The following TESC variants were observed in gnomAD, a reference collection of about 807,000 sequenced individuals.
TESC encodes the protein tescalcin.
TESC carries 19 observed loss-of-function variants against 31.0 expected under a neutral mutation model. The observed-to-expected ratio is 0.61, with a 90% CI of 0.43 to 0.90. The LOEUF (loss-of-function observed/expected upper bound fraction) is 0.90. Among genes scored for constraint, TESC ranks in the 40% least tolerant of loss-of-function variants. The probability of loss-of-function intolerance (pLI) is 0.00; values close to 1 mark genes in which losing one functional copy is unlikely to be tolerated. For synonymous variants in TESC, 109 were observed against 114.8 expected (o/e 0.95, Z 0.32); for missense variants, 248 against 303.8 (o/e 0.82, Z 1.36).
At chr12:117,091,967 G>A (rs966680532) in intron 1 of TESC, among the ~76,000 whole-genome samples, 2 of 152,112 alleles carry the variant, frequency 1.3e-5, no homozygotes, top group South Asian at 2.1e-4. Context: ...GGTTTCTCCC[G>A]GCACTGCACT....
intron 3 of TESC, among the ~76,000 whole-genome samples, chr12:117,054,798 C>T (rs906412074): frequency 1.1e-4 from 16 of 152,172 alleles, no homozygotes; most frequent in African/African-American, 3.9e-4. Flanking sequence ...CGCCTGTTCC[C>T]ATCCTTCCTC....
intron 2 of TESC, among the ~76,000 whole-genome samples, chr12:117,073,850 C>CG (rs1278521929): frequency 3.9e-5 from 6 of 151,960 alleles, no homozygotes. Context: ...GAGGCTGAGG[C>CG]GGGGGGACTG....
chr12:117,082,596 C>T (rs1358082363), intron 1 of TESC, among the ~76,000 whole-genome samples: 1 of 151,966 alleles, frequency 6.6e-6, no homozygotes, highest in African/African-American at 2.4e-5. Context: ...ACTACACAGC[C>T]TTTATAAATA....
intron 2 of TESC, among the ~76,000 whole-genome samples, chr12:117,066,299 T>C (rs1293720715): frequency 7.0e-6 from 1 of 142,320 alleles, no homozygotes; most frequent in Non-Finnish European, 1.5e-5. Flanking sequence ...CTTCACCTCC[T>C]GGGTTCAACA....
At chr12:117,053,086 T>TC (rs1954671822) in intron 3 of TESC, among the ~76,000 whole-genome samples, 1 of 151,750 alleles carries the variant, frequency 6.6e-6, no homozygotes, top group Non-Finnish European at 1.5e-5. Context: ...GCGCCTGGAG[T>TC]CCCCCTGAGA....
intron 2 of TESC, among the ~76,000 whole-genome samples, chr12:117,058,874 G>A (rs925536886): frequency 6.6e-6 from 1 of 152,122 alleles, no homozygotes; most frequent in Non-Finnish European, 1.5e-5. Flanking sequence ...AGGCAGGGGC[G>A]TCAGCCACTC....
At chr12:117,075,901 A>ATATATGTGTG (rs1565971575) in intron 1 of TESC, among the ~76,000 whole-genome samples, 1 of 86,130 alleles carries the variant, frequency 1.2e-5, no homozygotes, top group African/African-American at 7.5e-5. Context: ...ATATATATAT[A>ATATATGTGTG]TATATATATA....
chr12:117,066,247 C>T (rs1954879372), intron 2 of TESC, among the ~76,000 whole-genome samples: 1 of 131,018 alleles, frequency 7.6e-6, no homozygotes, highest in African/African-American at 3.1e-5. Context: ...CACTCTATCG[C>T]CCAGGCTGGA....
At chr12:117,062,128 C>G (rs1954807377) in intron 2 of TESC, among the ~76,000 whole-genome samples, 3 of 152,036 alleles carry the variant, frequency 2.0e-5, no homozygotes, top group African/African-American at 7.3e-5. Flanking sequence ...AACCTACGTA[C>G]CCTCAAAATG....
chr12:117,081,299 T>C (rs991605398), intron 1 of TESC, among the ~76,000 whole-genome samples: 25 of 152,202 alleles, frequency 1.6e-4, no homozygotes, highest in African/African-American at 5.3e-4. Context: ...ATTGATCATA[T>C]GGTAAAAATG....
intron 2 of TESC, among the ~76,000 whole-genome samples, 176 bp downstream of exon 2, chr12:117,075,095 G>A (rs372646789): frequency 2.0e-5 from 3 of 152,096 alleles, no homozygotes; most frequent in Non-Finnish European, 2.9e-5. Flanking sequence ...GCAGTGAGCC[G>A]AGACAGCACC....
intron 1 of TESC, among the ~76,000 whole-genome samples, chr12:117,077,824 G>T (rs981179346): frequency 6.6e-6 from 1 of 152,096 alleles, no homozygotes; most frequent in Non-Finnish European, 1.5e-5. Context: ...GGGGAGTTCT[G>T]GGTACTAGGA....
intron 1 of TESC, among the ~76,000 whole-genome samples, chr12:117,090,915 C>T (rs1955297349): frequency 6.6e-6 from 1 of 152,204 alleles, no homozygotes; most frequent in African/African-American, 2.4e-5. Context: ...CACCTTTGGC[C>T]TCTACAGCCC....
Position 117,099,250 on chromosome 12 carries a change from C to G in TESC, c.33G>C (p.Val11=), listed in dbSNP as rs1443260673. The G allele has an allele frequency of 1.8e-5, 26 of 1,474,988 alleles. No homozygotes were observed. In the Admixed American group the frequency reaches 6.0e-4, roughly 34 times the overall value. 91.4% of individuals were successfully genotyped at this position (1,474,988 alleles called of 1,614,324 possible). The change falls in exon 1 of 8, where the codon GTG becomes GTC. Residue 11 remains valine (V), a synonymous_variant. Transcript: ENST00000335209. MGAAHSASEE[V]RELEGKTGFS... is the part of the protein sequence containing the mutation. ...AGCCGGTCTTGCCCTCGAGCTCCCGCACCTCCTCAGACGCGGAGTGGGCAG... is the reference window on the plus strand; with the variant it reads ...AGCCGGTCTTGCCCTCGAGCTCCCGGACCTCCTCAGACGCGGAGTGGGCAG...
At chr12:117,097,946 T>C (rs902075071) in intron 1 of TESC, among the ~76,000 whole-genome samples, 5 of 152,194 alleles carry the variant, frequency 3.3e-5, no homozygotes, top group African/African-American at 9.7e-5. Context: ...AGCCACACCT[T>C]TTACTTCTTT....
intron 2 of TESC, among the ~76,000 whole-genome samples, chr12:117,058,351 C>T (rs1251786687): frequency 6.6e-6 from 1 of 151,820 alleles, no homozygotes; most frequent in Non-Finnish European, 1.5e-5. Context: ...GTAAATACAC[C>T]GCGGTAGAAA....
chr12:117,075,941 GTATATATACATA>G (rs1955066514), intron 1 of TESC, among the ~76,000 whole-genome samples: 1 of 55,146 alleles, frequency 1.8e-5, no homozygotes, highest in African/African-American at 9.2e-5. Context: ...ATATATATAT[GTATATATACATA>G]TATATATATA....
At chr12:117,057,010 A>T in intron 2 of TESC, 124 bp from the exon 3 acceptor site, 1 of 869,724 alleles carries the variant, frequency 1.1e-6, no homozygotes, top group Non-Finnish European at 1.9e-6. Flanking sequence ...AGAATAGTTC[A>T]GAGTTAGGAG....
At chr12:117,051,283 C>T (rs897592829) in intron 3 of TESC, among the ~76,000 whole-genome samples, 10 of 152,210 alleles carry the variant, frequency 6.6e-5, no homozygotes, top group African/African-American at 2.4e-4. Flanking sequence ...AACACCCATA[C>T]GACAGCCTCT....
Sources: allele counts gnomAD v4.1 joint callset (sites outside exome capture counted in the v4.1 genomes callset), GRCh38; gene constraint gnomAD v4.1.1; transcripts MANE v1.5; gene names NCBI Gene and HGNC (gene_info 2026-07-23, HGNC 2026-07-21).